GABRA2: variants seen among roughly 807,000 people sequenced by gnomAD.
The protein encoded by GABRA2 is gamma-aminobutyric acid type A receptor subunit alpha2, also known as gamma-aminobutyric acid receptor subunit alpha-2.
GABRA2 carries 16 observed loss-of-function variants against 48.7 expected under a neutral mutation model. The observed-to-expected ratio is 0.33, with a 90% confidence interval of 0.22 to 0.50. The LOEUF is 0.50. Among genes scored for constraint, GABRA2 ranks in the 20% least tolerant of loss-of-function variants. The pLI, the probability that GABRA2 is intolerant of heterozygous loss-of-function variation, is 0.98. For synonymous variants in GABRA2, 185 were observed against 184.5 expected, an observed-to-expected ratio of 1.00 and a Z score of -0.02; for missense variants, 275 against 535.6, an observed-to-expected ratio of 0.51 and a Z score of 4.80.
intron 8 of GABRA2, among the ~76,000 whole-genome samples, chr4:46,265,355 CTGTGTGTGTG>C (rs67846908): frequency 1.5e-4 from 20 of 137,490 alleles, no homozygotes; most frequent in African/African-American, 2.2e-4. Context: ...ATATATGTAT[CTGTGTGTGTG>C]TGTGTGTGTG....
intron 8 of GABRA2, 106 bp downstream of exon 8, chr4:46,303,354 G>T: frequency 1.8e-6 from 2 of 1,119,118 alleles, no homozygotes; most frequent in Non-Finnish European, 2.7e-6. Flanking sequence ...AATACTCCCC[G>T]CCCCACCTAC....
At chr4:46,334,270 A>G (rs1731841528) in intron 3 of GABRA2, among the ~76,000 whole-genome samples, 2 of 152,050 alleles carry the variant, frequency 1.3e-5, no homozygotes, top group East Asian at 3.9e-4. Flanking sequence ...ATGGCCCTGT[A>G]TTTTTCATTT....
intron 8 of GABRA2, among the ~76,000 whole-genome samples, chr4:46,288,482 T>C (rs1722978309): frequency 6.6e-6 from 1 of 152,148 alleles, no homozygotes; most frequent in Admixed American, 6.5e-5. Context: ...CCCCATTAAA[T>C]AAATTGTGCT....
chr4:46,307,052 G>A (rs1377725753), intron 6 of GABRA2, among the ~76,000 whole-genome samples: 2 of 151,940 alleles, frequency 1.3e-5, no homozygotes, highest in African/African-American at 4.8e-5. Flanking sequence ...ATTACATTAT[G>A]TGAAGCAATT....
At chr4:46,341,376 C>T (rs1174354464) in intron 3 of GABRA2, among the ~76,000 whole-genome samples, 1 of 151,922 alleles carries the variant, frequency 6.6e-6, no homozygotes, top group Non-Finnish European at 1.5e-5. Context: ...CATCCTTCCA[C>T]TCTTCAAGGT....
At chr4:46,334,387 C>T (rs1731863058) in intron 3 of GABRA2, among the ~76,000 whole-genome samples, 1 of 152,058 alleles carries the variant, frequency 6.6e-6, no homozygotes, top group South Asian at 2.1e-4. Context: ...TTACCCACAC[C>T]AAATTAATCA....
chr4:46,389,590 C>T (rs1717952214), intron 1 of GABRA2, 145 bp downstream of exon 1: 1 of 461,146 alleles, frequency 2.2e-6, no homozygotes, highest in Non-Finnish European at 2.8e-6. Flanking sequence ...TTTTTAAGTG[C>T]GCTGGGGAGG....
chr4:46,295,620 T>C (rs1724492453), intron 8 of GABRA2, among the ~76,000 whole-genome samples: 1 of 152,146 alleles, frequency 6.6e-6, no homozygotes, highest in Non-Finnish European at 1.5e-5. Flanking sequence ...CTCAGCAACA[T>C]GGACTTCCAC....
chr4:46,258,388 A>G (rs1372159933), intron 9 of GABRA2, among the ~76,000 whole-genome samples: 1 of 151,858 alleles, frequency 6.6e-6, no homozygotes, highest in Non-Finnish European at 1.5e-5. Flanking sequence ...ATCATTTACA[A>G]GGGCAGGGGA....
intron 8 of GABRA2, among the ~76,000 whole-genome samples, chr4:46,297,780 C>T (rs1201317393): frequency 6.6e-6 from 1 of 151,626 alleles, no homozygotes; most frequent in Admixed American, 6.6e-5. Flanking sequence ...TTCATTTCTT[C>T]TACTGTCTTT....
chr4:46,306,387 TA>T (rs1726705098), intron 6 of GABRA2, among the ~76,000 whole-genome samples: 1 of 152,156 alleles, frequency 6.6e-6, no homozygotes, highest in African/African-American at 2.4e-5. Flanking sequence ...AGATCAGACA[TA>T]ACTTCCTGAC....
At chr4:46,345,520 A>G (rs1560557187) in intron 3 of GABRA2, among the ~76,000 whole-genome samples, 1 of 151,856 alleles carries the variant, frequency 6.6e-6, no homozygotes, top group South Asian at 2.1e-4. Context: ...TGGAAGAAAT[A>G]TAACTCAGCT....
intron 3 of GABRA2, among the ~76,000 whole-genome samples, chr4:46,349,499 A>G (rs1483660450): frequency 6.6e-6 from 1 of 152,016 alleles, no homozygotes; most frequent in Non-Finnish European, 1.5e-5. Flanking sequence ...AAAAAATTTA[A>G]AGCAATGTTT....
At chr4:46,324,970 G>C (rs770218768) in intron 4 of GABRA2, among the ~76,000 whole-genome samples, 1 of 151,878 alleles carries the variant, frequency 6.6e-6, no homozygotes, top group Non-Finnish European at 1.5e-5. Flanking sequence ...GTCCACCACC[G>C]ATGGGCATCT....
chr4:46,385,625 C>T (rs1717344549), intron 3 of GABRA2, among the ~76,000 whole-genome samples: 1 of 151,978 alleles, frequency 6.6e-6, no homozygotes, highest in South Asian at 2.1e-4. Context: ...TCATAGAATG[C>T]TAAAAAGTGT....
intron 9 of GABRA2, among the ~76,000 whole-genome samples, chr4:46,255,778 G>T (rs1715690361): frequency 6.6e-6 from 1 of 151,556 alleles, no homozygotes; most frequent in Non-Finnish European, 1.5e-5. Flanking sequence ...AAATTAAAAT[G>T]TCTTACACCA....
chr4:46,262,477 T>A (rs906266580), intron 8 of GABRA2, among the ~76,000 whole-genome samples: 3 of 152,134 alleles, frequency 2.0e-5, no homozygotes, highest in Non-Finnish European at 4.4e-5. Flanking sequence ...AATGGTCCCA[T>A]TGACAATTAA....
intron 3 of GABRA2, among the ~76,000 whole-genome samples, chr4:46,339,585 A>C (rs953405729): frequency 1.3e-5 from 2 of 151,916 alleles, no homozygotes; most frequent in Non-Finnish European, 2.9e-5. Flanking sequence ...TACTATGCAA[A>C]AAATCAAATA....
Position 46,389,851 on chromosome 4 carries a change from G to GAGAGAC in GABRA2, c.-128_-127insGTCTCT. ...AGAGAGAGAGAGAGAGAGAGAGAGA[G>GAGAGAC]AGAGAGAGAGACCGAGACTGCAGCA... On this transcript the variant is annotated 5_prime_UTR_variant, in exon 1 of 10. Coordinates refer to ENST00000381620, the MANE Select transcript of GABRA2 (RefSeq NM_000807.4). The GAGAGAC allele has an allele frequency of 1.0e-6, 1 of 959,308 alleles. No homozygotes were observed. Among genetic ancestry groups the GAGAGAC allele is most frequent in the Admixed American group, 6.4e-5 (1 of 15,696 alleles). The allele number at this position is 959,308 out of a possible 1,614,324, so 59.4% of individuals were successfully genotyped here. A position where few individuals can be genotyped will look rare whatever the true frequency, so the allele number is the denominator to read the frequency against.
Sources: gnomAD v4.1 joint callset for allele counts (sites outside exome capture counted in the v4.1 genomes callset) on GRCh38, gnomAD v4.1.1 for gene constraint, MANE v1.5 for transcripts, NCBI Gene and HGNC (gene_info 2026-07-23, HGNC 2026-07-21) for gene names.